Variants in LAMA5 observed in about 807,000 individuals in gnomAD.
The protein encoded by LAMA5 is laminin subunit alpha-5.
Under a neutral mutation model 433.4 loss-of-function variants are expected in LAMA5, and 260 were observed. The observed-to-expected ratio is 0.60, with a 90% CI of 0.54 to 0.66. The LOEUF is 0.66. LAMA5 is among the 30% of genes least tolerant of loss of function. The pLI, the probability that LAMA5 is intolerant of heterozygous loss-of-function variation, is 0.00. For missense variants in LAMA5, 5,378 were observed against 5,258.5 expected (o/e 1.02, Z -0.70); for synonymous variants, 2,620 against 2,226.6 (o/e 1.18, Z -4.97).
Position 62,322,079 on chromosome 20 carries a change from T to A in LAMA5, c.6436A>T (p.Ser2146Cys), listed in dbSNP as rs2146120944. Residue 2146 changes from serine to cysteine, a missense_variant, in exon 48 of 80, where the codon AGC becomes TGC. Ser to Cys is a moderately radical substitution (Grantham distance 112). Transcript: ENST00000252999. Reference sequence around the variant, plus strand: ...GGAACAGGCACCTGATGCTGCTGGCTGCAGGTGTCGCAGCGCTCCCCGCTG... The same window carrying A: ...GGAACAGGCACCTGATGCTGCTGGCAGCAGGTGTCGCAGCGCTCCCCGCTG... ...GLSGERCDTC[S>C]QQHQVPVPGG... The A allele has an allele frequency of 6.2e-7, 1 of 1,600,972 alleles. No individual in the cohort carries two copies. The highest frequency in any genetic ancestry group is 1.1e-5 in the South Asian group (1 of 91,064).
Position 62,338,313 on chromosome 20 carries a change from G to T in LAMA5, c.1675C>A (p.Gln559Lys). Residue 559 changes from glutamine to lysine, a missense_variant, in exon 13 of 80, where the codon CAG becomes AAG. Gln to Lys is a moderately conservative substitution (Grantham distance 53). Transcript: ENST00000252999. ...TCGAAGCCCACTCGGCACCTGCACT[G>T]GCCTGTGTCAGGGTCACAGCGGTCA... The part of the protein sequence containing the change: ...ADDRCDPDTG[Q>K]CRCRVGFEGA... 6.2e-7 allele frequency: 1 copy of T among 1,606,960 alleles called. No homozygotes were observed. The highest frequency in any genetic ancestry group is 2.2e-5 in the East Asian group (1 of 44,628).
In LAMA5 at chr20:62,310,471, G is replaced by A. The variant is rs763803853; in HGVS notation, c.10548C>T (p.Gly3516=). ...GGAAGAACAGGCCCGCCTCCAGGGGGCCCAAGATGCAGGGTGTGACCCCTG... is the reference window on the plus strand; with the variant it reads ...GGAAGAACAGGCCCGCCTCCAGGGGACCCAAGATGCAGGGTGTGACCCCTG... ...RMAGVTPCIL[G]PLEAGLFFPG... is the part of the protein sequence containing the mutation. Residue 3516 remains glycine (G), a synonymous_variant, in exon 76 of 80, where the codon GGC becomes GGT. Transcript: ENST00000252999. The A allele has an allele frequency of 3.8e-6, 6 of 1,596,688 alleles. No homozygotes were observed. The highest frequency in any genetic ancestry group is 2.3e-5 in the South Asian group (2 of 88,500).
chr20:62,335,167 T>C (rs1981340050), intron 19 of LAMA5, 41 bp from the exon 20 acceptor site: 1 of 1,611,280 alleles, frequency 6.2e-7, no homozygotes, highest in African/African-American at 1.3e-5. Context: ...CAGGGGAGGG[T>C]CCTGACCAGT....
At chr20:62,366,131 C>T (rs1405760804) in intron 1 of LAMA5, among the ~76,000 whole-genome samples, 1 of 152,224 alleles carries the variant, frequency 6.6e-6, no homozygotes, top group Non-Finnish European at 1.5e-5. Context: ...GGGCCTAGAG[C>T]GGCCGGTTGG....
chr20:62,367,156 C>T lies in LAMA5; in HGVS notation c.90G>A (p.Leu30=). 1.6e-6 allele frequency: 2 copies of T among 1,260,486 alleles called. No homozygotes were observed. The highest frequency in any genetic ancestry group is 2.0e-6 in the Non-Finnish European group (2 of 1,005,788). The allele number at this position is 1,260,486 out of a possible 1,614,324, so 78.1% of individuals were successfully genotyped here. Residue 30 remains leucine, a synonymous_variant, in exon 1 of 80, where the codon CTG becomes CTA. Coordinates refer to ENST00000252999, the MANE Select transcript of LAMA5 (RefSeq NM_005560.6). Reference sequence around the variant, plus strand: ...CCTCCTCCCGCGCCCGCGCCGCGCCCAGCAGCGCCAGCCCGACCAGCAGCA... The same window carrying T: ...CCTCCTCCCGCGCCCGCGCCGCGCCTAGCAGCGCCAGCCCGACCAGCAGCA... ...APLLLVGLAL[L]GAARAREEAG...
intron 25 of LAMA5, 48 bp downstream of exon 25, chr20:62,333,327 G>C: frequency 6.2e-7 from 1 of 1,604,018 alleles, no homozygotes; most frequent in Non-Finnish European, 8.5e-7. Flanking sequence ...GGCACAGTGG[G>C]GGTCCAGGAA....
At position 62,331,141 on chromosome 20, in the gene LAMA5, G is replaced by A; in HGVS notation, c.3553-12C>T. On this transcript the variant is annotated splice_polypyrimidine_tract_variant and intron_variant, in intron 28 of 79. Coordinates refer to ENST00000252999, the MANE Select transcript of LAMA5 (RefSeq NM_005560.6). Reference sequence around the variant, plus strand: ...AGAGTGACCCCGTGCTGCAGGCAGAGGGACGAGATGCTGCAACGCCCGTGG... The same window carrying A: ...AGAGTGACCCCGTGCTGCAGGCAGAAGGACGAGATGCTGCAACGCCCGTGG... The A allele has an allele frequency of 1.3e-6, 2 of 1,549,066 alleles. No individual in the cohort carries two copies. Among genetic ancestry groups the A allele is most frequent in the Non-Finnish European group, 8.7e-7 (1 of 1,145,744 alleles).
chr20:62,310,889 T>C lies in LAMA5; in HGVS notation c.10281+13A>G, dbSNP rs1301770510. The C allele has an allele frequency of 5.6e-6, 9 of 1,608,768 alleles. No homozygotes were observed. The highest frequency in any genetic ancestry group is 7.6e-6 in the Non-Finnish European group (9 of 1,178,624). On this transcript the variant is annotated intron_variant, in intron 74 of 79. Transcript: ENST00000252999. ...AGGCCCTGCCCACCACCTTCCTTCT[T>C]CTCGGCCCTCACCTTGTGCCAGCGG...
chr20:62,327,506 T>C, intron 37 of LAMA5, 23 bp downstream of exon 37: 1 of 1,612,164 alleles, frequency 6.2e-7, no homozygotes, highest in Non-Finnish European at 8.5e-7. Context: ...GAGAAGGCAA[T>C]GCCCTCAGTC....
chr20:62,332,484 TG>T lies in LAMA5; in HGVS notation c.3444-5del, dbSNP rs749945088. ...GGCAGTGCCCCGGCACAGGGTGCTGTGGGGGGAGGGTGGTCAGCAGGTGGGG... is the reference window on the plus strand; with the variant it reads ...GGCAGTGCCCCGGCACAGGGTGCTGTGGGGGAGGGTGGTCAGCAGGTGGGG... On this transcript the variant is annotated splice_polypyrimidine_tract_variant and splice_region_variant and intron_variant, in intron 27 of 79. Coordinates refer to ENST00000252999, the MANE Select transcript of LAMA5 (RefSeq NM_005560.6). 2.0e-5 allele frequency: 33 copies of T among 1,611,486 alleles called. No individual in the cohort carries two copies. The South Asian group carries it at 3.4e-4, about 17-fold the overall frequency.
chr20:62,345,018 G>A (rs1983138176), intron 11 of LAMA5, among the ~76,000 whole-genome samples: 1 of 152,002 alleles, frequency 6.6e-6, no homozygotes, highest in Non-Finnish European at 1.5e-5. Context: ...ATAACTTTTT[G>A]TTTTTGTTTT....
At position 62,327,689 on chromosome 20, in the gene LAMA5, G is replaced by A. The variant is rs754625398; in HGVS notation, c.4798-20C>T. 2 of 1,607,832 alleles carry A rather than the reference G, an allele frequency of 1.2e-6. No homozygotes were observed. The highest frequency in any genetic ancestry group is 2.2e-5 in the East Asian group (1 of 44,710). ...GTTCTCCTAGGGATGAGAGGACAGT[G>A]AGAGTGGTCGGCAGGTGCCAGGTGC... On this transcript the variant is annotated intron_variant, in intron 36 of 79. Coordinates refer to ENST00000252999, the MANE Select transcript of LAMA5 (RefSeq NM_005560.6).
At chr20:62,360,212 G>A (rs902370458) in intron 2 of LAMA5, among the ~76,000 whole-genome samples, 2 of 148,336 alleles carry the variant, frequency 1.3e-5, no homozygotes, top group African/African-American at 5.0e-5. Context: ...AGGAAAGTGG[G>A]TGAGAAGGAA....
Position 62,326,677 on chromosome 20 carries a change from C to T in LAMA5, c.5298G>A (p.Glu1766=). 1 of 1,611,686 alleles carries T rather than the reference C, an allele frequency of 6.2e-7. No homozygotes were observed. The highest frequency in any genetic ancestry group is 8.5e-7 in the Non-Finnish European group (1 of 1,179,238). The change falls in exon 40 of 80, where the codon GAG becomes GAA. Residue 1766 remains glutamate (E), a splice_region_variant and synonymous_variant. Transcript: ENST00000252999. ...HVHRGQLQLV[E]GNFRHTETRN... Reference sequence around the variant, plus strand: ...GGGTGCCCAAGCCAGCTCCCCTCACCTCCACCAGCTGCAGCTGCCCACGGT... The same window carrying T: ...GGGTGCCCAAGCCAGCTCCCCTCACTTCCACCAGCTGCAGCTGCCCACGGT...
intron 1 of LAMA5, 69 bp downstream of exon 1, chr20:62,366,880 T>C (rs1986790714): frequency 8.7e-7 from 1 of 1,145,426 alleles, no homozygotes; most frequent in Non-Finnish European, 1.1e-6. Flanking sequence ...GCGCTCCCCC[T>C]GGGGTCGGGC....
At chr20:62,315,336 C>T (rs2146065683) in intron 58 of LAMA5, 129 bp from the exon 59 acceptor site, 1 of 760,356 alleles carries the variant, frequency 1.3e-6, no homozygotes, top group South Asian at 1.9e-5. Flanking sequence ...GACCCTCACA[C>T]CCCGCTGCTC....
At chr20:62,360,659 T>G in intron 2 of LAMA5, among the ~76,000 whole-genome samples, 1 of 67,676 alleles carries the variant, frequency 1.5e-5, no homozygotes, top group African/African-American at 8.3e-5. Context: ...GGTGGAGGGA[T>G]AGATGGGTGG....
At chr20:62,366,440 G>GC (rs1986733707) in intron 1 of LAMA5, among the ~76,000 whole-genome samples, 1 of 152,236 alleles carries the variant, frequency 6.6e-6, no homozygotes, top group African/African-American at 2.4e-5. Context: ...AAACTTCGCA[G>GC]CTGGCCCTCC....
In LAMA5 at chr20:62,309,114, G is replaced by GTGAC; in HGVS notation, c.*218_*221dup. The GTGAC allele has an allele frequency of 1.7e-6, 1 of 605,206 alleles. No homozygotes were observed. The highest frequency in any genetic ancestry group is 2.8e-6 in the Non-Finnish European group (1 of 359,106). The allele number at this position is 605,206 out of a possible 1,614,324, so 37.5% of individuals were successfully genotyped here. A position where few individuals can be genotyped will look rare whatever the true frequency, so the allele number is the denominator to read the frequency against. Reference sequence around the variant, plus strand: ...TTTAAGGAGGAACCAGTGATGATTGGTGACAAATCTCTCACAATTAAAAAT... The same window carrying GTGAC: ...TTTAAGGAGGAACCAGTGATGATTGGTGACTGACAAATCTCTCACAATTAAAAAT... On this transcript the variant is annotated 3_prime_UTR_variant, in exon 80 of 80. Coordinates refer to ENST00000252999, the MANE Select transcript of LAMA5 (RefSeq NM_005560.6).
Sources: gnomAD v4.1 joint callset for allele counts (sites outside exome capture counted in the v4.1 genomes callset) on GRCh38, gnomAD v4.1.1 for gene constraint, MANE v1.5 for transcripts, NCBI Gene and HGNC (gene_info 2026-07-23, HGNC 2026-07-21) for gene names.